UBASH3B: variants seen among roughly 807,000 people sequenced by gnomAD.
UBASH3B encodes ubiquitin associated and SH3 domain containing B.
A neutral mutation model predicts 83.4 loss-of-function variants in UBASH3B; 37 were observed. The observed-to-expected ratio is 0.44, with a 90% CI of 0.34 to 0.58. UBASH3B has a LOEUF of 0.58. Ranked by LOEUF, UBASH3B falls within the 20% of genes least tolerant of loss-of-function variation. The probability of loss-of-function intolerance (pLI) is 0.01; values close to 1 mark genes in which losing one functional copy is unlikely to be tolerated. For missense variants in UBASH3B, 657 were observed against 827.2 expected, an observed-to-expected ratio of 0.79 and a Z score of 2.52; for synonymous variants, 304 against 318.3, an observed-to-expected ratio of 0.96 and a Z score of 0.48.
rs532029536 is a variant in UBASH3B at position 122,769,843 on chromosome 11, T to C, written c.162-6376T>C. On this transcript the variant is annotated intron_variant, in intron 1 of 13. Coordinates refer to ENST00000284273, the MANE Select transcript of UBASH3B (RefSeq NM_032873.5). Reference sequence around the variant, plus strand: ...TTCATTGCCGACTTTTAAACTGATTTTGAGGGAGAAGAATGAGGCATCTGA... The same window carrying C: ...TTCATTGCCGACTTTTAAACTGATTCTGAGGGAGAAGAATGAGGCATCTGA... Among the ~76,000 whole-genome samples the C allele has an allele frequency of 1.8e-4, 27 of 152,310 alleles. No homozygotes were observed. The East Asian group carries it at 5.0e-3, about 28-fold the overall frequency.
chr11:122,705,522 G>A (rs1332594748), intron 1 of UBASH3B, among the ~76,000 whole-genome samples: 2 of 150,884 alleles, frequency 1.3e-5, no homozygotes, highest in Non-Finnish European at 3.0e-5. Context: ...GTCAATCCAA[G>A]AGTCCACTAC....
intron 1 of UBASH3B, among the ~76,000 whole-genome samples, chr11:122,683,645 C>T (rs1445872547): frequency 6.7e-6 from 1 of 149,860 alleles, no homozygotes; most frequent in African/African-American, 2.4e-5. Context: ...AAAATATGAC[C>T]ACAGGATCAT....
intron 9 of UBASH3B, 152 bp downstream of exon 9, chr11:122,797,185 GT>G: frequency 9.2e-7 from 1 of 1,091,028 alleles, no homozygotes; most frequent in Non-Finnish European, 1.3e-6. Flanking sequence ...CAACCATTAA[GT>G]TTAGGACACT....
chr11:122,808,237 C>T, intron 13 of UBASH3B, 61 bp downstream of exon 13: 1 of 1,301,532 alleles, frequency 7.7e-7, no homozygotes, highest in Non-Finnish European at 1.1e-6. Context: ...AGTACAGTGA[C>T]TGGCTGATTA....
chr11:122,789,432 C>T (rs923500589), intron 6 of UBASH3B, 124 bp downstream of exon 6: 1 of 1,086,044 alleles, frequency 9.2e-7, no homozygotes, highest in Non-Finnish European at 1.3e-6. Context: ...TCCAGAATTC[C>T]AGGAAAGGAG....
At chr11:122,771,764 C>T (rs1476328893) in intron 1 of UBASH3B, among the ~76,000 whole-genome samples, 2 of 150,688 alleles carry the variant, frequency 1.3e-5, no homozygotes, top group East Asian at 3.9e-4. Flanking sequence ...CACACACACA[C>T]ACACACACAC....
chr11:122,782,878 T>C, intron 4 of UBASH3B, 175 bp from the exon 5 acceptor site: 2 of 720,980 alleles, frequency 2.8e-6, no homozygotes, highest in Non-Finnish European at 4.5e-6. Context: ...TCGGAATCTC[T>C]TGCCATCCCC....
chr11:122,711,376 C>T (rs541872029), intron 1 of UBASH3B, among the ~76,000 whole-genome samples: 1 of 152,358 alleles, frequency 6.6e-6, no homozygotes, highest in African/African-American at 2.4e-5. Context: ...TCGTCACTCT[C>T]CAGCCACGTG....
chr11:122,724,883 G>A lies in UBASH3B; in HGVS notation c.162-51336G>A, dbSNP rs1469224695. ...ATGCCAAGGGATGAGGACTTTGCCTGGAGGAAAGGCACTTGGGACTCACTG... is the reference window on the plus strand; with the variant it reads ...ATGCCAAGGGATGAGGACTTTGCCTAGAGGAAAGGCACTTGGGACTCACTG... On this transcript the variant is annotated intron_variant, in intron 1 of 13. Coordinates refer to ENST00000284273, the MANE Select transcript of UBASH3B (RefSeq NM_032873.5). Among the ~76,000 whole-genome samples, 3 of 151,974 alleles carry A rather than the reference G, an allele frequency of 2.0e-5. No homozygotes were observed. The East Asian group carries it at 5.8e-4, about 29-fold the overall frequency.
At chr11:122,682,229 T>A (rs374202898) in intron 1 of UBASH3B, among the ~76,000 whole-genome samples, 28 of 152,330 alleles carry the variant, frequency 1.8e-4, no homozygotes, top group African/African-American at 6.3e-4. Flanking sequence ...TTCATTTATT[T>A]AGTAGTTGAC....
At chr11:122,698,256 C>A (rs1297159300) in intron 1 of UBASH3B, among the ~76,000 whole-genome samples, 5 of 152,002 alleles carry the variant, frequency 3.3e-5, no homozygotes, top group African/African-American at 9.7e-5. Flanking sequence ...GACCTCCTCT[C>A]CCCCTACCCA....
chr11:122,720,889 T>G (rs920899107), intron 1 of UBASH3B, among the ~76,000 whole-genome samples: 1 of 152,158 alleles, frequency 6.6e-6, no homozygotes, highest in Non-Finnish European at 1.5e-5. Flanking sequence ...TCTTTGTATT[T>G]TTTTTTTCTC....
Position 122,801,234 on chromosome 11 carries a change from AT to A in UBASH3B, c.1500del (p.Phe500LeufsTer21). On this transcript the variant is annotated frameshift_variant, in exon 11 of 14. Coordinates refer to ENST00000284273, the MANE Select transcript of UBASH3B (RefSeq NM_032873.5). LOFTEE classifies it high-confidence loss of function. ...TGAAGATCCGTGTAGAGCCCGGCTT[AT>A]TTGAGTGGACAAAATGGGTTGCTGG... Reference protein sequence around the residue: ...HLKIRVEPGLFEWTKWVAGST... With the variant: ...HLKIRVEPGLXEWTKWVAGST... 1 of 1,612,566 alleles carries A rather than the reference AT, an allele frequency of 6.2e-7. No homozygotes were observed. Among genetic ancestry groups the A allele is most frequent in the South Asian group, 1.1e-5 (1 of 90,894 alleles).
Position 122,758,430 on chromosome 11 carries a change from T to C in UBASH3B, c.162-17789T>C, listed in dbSNP as rs1358291518. On this transcript the variant is annotated intron_variant, in intron 1 of 13. Transcript: ENST00000284273. This position sits in a 1 kb window ranked among gnomAD's most constrained non-coding sequence, Gnocchi z 4.2. Reference sequence around the variant, plus strand: ...AGCCTCCAGAGCATCTGCCAGGAACTGTTTTACCAAAAGATTCCCTCCAGG... The same window carrying C: ...AGCCTCCAGAGCATCTGCCAGGAACCGTTTTACCAAAAGATTCCCTCCAGG... Among the ~76,000 whole-genome samples, 2 of 152,192 alleles carry C rather than the reference T, an allele frequency of 1.3e-5. No individual in the cohort carries two copies. Among genetic ancestry groups the C allele is most frequent in the Non-Finnish European group, 2.9e-5 (2 of 68,042 alleles).
intron 1 of UBASH3B, among the ~76,000 whole-genome samples, chr11:122,734,565 A>G (rs1860901182): frequency 6.6e-6 from 1 of 152,196 alleles, no homozygotes; most frequent in Non-Finnish European, 1.5e-5. Flanking sequence ...GGCTTAGCTC[A>G]GCATCCTGAA....
intron 1 of UBASH3B, among the ~76,000 whole-genome samples, chr11:122,660,167 G>A (rs1054888454): frequency 6.6e-6 from 1 of 152,144 alleles, no homozygotes; most frequent in African/African-American, 2.4e-5. Context: ...CCCTGGAGCT[G>A]GGCTAGGTTT....
chr11:122,719,047 A>G (rs372841618), intron 1 of UBASH3B, among the ~76,000 whole-genome samples: 6 of 152,264 alleles, frequency 3.9e-5, no homozygotes, highest in African/African-American at 7.2e-5. Context: ...AAAAATAAAT[A>G]AAAAACACTT....
At chr11:122,704,675 A>T (rs186867241) in intron 1 of UBASH3B, among the ~76,000 whole-genome samples, 2 of 151,994 alleles carry the variant, frequency 1.3e-5, no homozygotes, top group East Asian at 1.9e-4. Context: ...ATGCCTGGCT[A>T]GTTTTTGTAC....
intron 9 of UBASH3B, among the ~76,000 whole-genome samples, chr11:122,797,536 A>C (rs1009964993): frequency 1.3e-5 from 2 of 152,208 alleles, no homozygotes; most frequent in Admixed American, 6.5e-5. Context: ...AAGGTATTGG[A>C]CTAGGGGAAC....
Sources: allele counts gnomAD v4.1 joint callset (sites outside exome capture counted in the v4.1 genomes callset), GRCh38; gene constraint gnomAD v4.1.1; non-coding constraint Gnocchi (gnomAD v3.1); transcripts MANE v1.5; gene names NCBI Gene and HGNC (gene_info 2026-07-23, HGNC 2026-07-21).